The following CNTN5 variants were observed in gnomAD, a reference collection of about 807,000 sequenced individuals.
CNTN5 encodes the protein contactin-5.
A neutral mutation model predicts 129.1 loss-of-function variants in CNTN5; 77 were observed. The ratio of observed to expected loss-of-function variants is 0.60; its 90% confidence interval spans 0.50 to 0.72. The LOEUF (loss-of-function observed/expected upper bound fraction) is 0.72. Ranked by LOEUF, CNTN5 falls within the 30% of genes least tolerant of loss-of-function variation. The probability of loss-of-function intolerance (pLI) is 0.00; values close to 1 mark genes in which losing one functional copy is unlikely to be tolerated. For missense variants in CNTN5, 1,478 were observed against 1,328.8 expected (o/e 1.11, Z -1.75); for synonymous variants, 509 against 465.6 (o/e 1.09, Z -1.20).
intron 7 of CNTN5, among the ~76,000 whole-genome samples, chr11:99,956,374 T>G (rs1950802478): frequency 6.6e-5 from 10 of 152,186 alleles, no homozygotes; most frequent in Admixed American, 6.5e-4. Context: ...ATAAGTTTAA[T>G]TGCTTAAGTG....
intron 3 of CNTN5, among the ~76,000 whole-genome samples, chr11:99,702,337 C>G (rs1040995538): frequency 6.6e-6 from 1 of 150,894 alleles, no homozygotes; most frequent in African/African-American, 2.4e-5. Context: ...AGCCTTGTCA[C>G]CAACCGAACA....
chr11:99,051,843 C>T (rs1270310360), intron 1 of CNTN5, among the ~76,000 whole-genome samples: 3 of 151,784 alleles, frequency 2.0e-5, no homozygotes, highest in Non-Finnish European at 4.4e-5. Flanking sequence ...TCTTTCAGAA[C>T]TCGTAGTGGA....
intron 9 of CNTN5, among the ~76,000 whole-genome samples, chr11:100,033,378 A>G (rs1237645610): frequency 6.6e-6 from 1 of 152,206 alleles, no homozygotes; most frequent in Non-Finnish European, 1.5e-5. Context: ...TTGCGTCTGA[A>G]CTAATAAACT....
intron 16 of CNTN5, among the ~76,000 whole-genome samples, chr11:100,239,420 C>T (rs1949690192): frequency 1.3e-5 from 2 of 151,982 alleles, no homozygotes; most frequent in Admixed American, 6.6e-5. Context: ...ATGTAATAGT[C>T]ATCAGGTTTA....
chr11:99,506,457 A>C (rs1236993781), intron 2 of CNTN5, among the ~76,000 whole-genome samples: 1 of 152,110 alleles, frequency 6.6e-6, no homozygotes, highest in Non-Finnish European at 1.5e-5. Flanking sequence ...TCTTGTGTCC[A>C]CCTTTCCAGG....
intron 3 of CNTN5, among the ~76,000 whole-genome samples, chr11:99,608,100 TAA>T (rs11284734): frequency 0.33 from 48,223 of 147,304 alleles, 8,041 homozygotes; most frequent in African/African-American, 0.41. Context: ...TAGAGTATAA[TAA>T]AAAAAAAAAA....
chr11:99,081,669 C>T (rs1457761336), intron 1 of CNTN5, among the ~76,000 whole-genome samples: 1 of 152,114 alleles, frequency 6.6e-6, no homozygotes, highest in African/African-American at 2.4e-5. Flanking sequence ...CAAATTATTA[C>T]GTTTCTATAA....
At chr11:99,989,875 C>G (rs1484184857) in intron 8 of CNTN5, among the ~76,000 whole-genome samples, 1 of 152,156 alleles carries the variant, frequency 6.6e-6, no homozygotes, top group Non-Finnish European at 1.5e-5. Flanking sequence ...AAGCAATTCT[C>G]CTGCCTCAGC....
At chr11:99,612,462 C>T (rs1202563140) in intron 3 of CNTN5, among the ~76,000 whole-genome samples, 1 of 152,138 alleles carries the variant, frequency 6.6e-6, no homozygotes, top group African/African-American at 2.4e-5. Context: ...AATTACACCA[C>T]CTGTACTATG....
At chr11:99,711,612 C>G (rs66852310) in intron 3 of CNTN5, among the ~76,000 whole-genome samples, 6,724 of 151,958 alleles carry the variant, frequency 0.044, 145 homozygotes, top group East Asian at 0.068. Flanking sequence ...GGTATTTCTC[C>G]TAATGCTCTC....
chr11:100,161,915 T>G (rs1947468850), intron 13 of CNTN5, among the ~76,000 whole-genome samples: 1 of 149,792 alleles, frequency 6.7e-6, no homozygotes, highest in Non-Finnish European at 1.5e-5. Flanking sequence ...AAGCATTGAC[T>G]GGTCTTGGAA....
At chr11:100,196,454 A>G (rs1157578103) in intron 15 of CNTN5, among the ~76,000 whole-genome samples, 1 of 151,984 alleles carries the variant, frequency 6.6e-6, no homozygotes, top group African/African-American at 2.4e-5. Flanking sequence ...TATTTTATGT[A>G]GCCTTCATAT....
intron 2 of CNTN5, among the ~76,000 whole-genome samples, chr11:99,403,277 G>A (rs11522687): frequency 0.75 from 113,318 of 152,054 alleles, 43,078 homozygotes; most frequent in African/African-American, 0.9. Context: ...TGGGATTACA[G>A]GCATAAGCCA....
chr11:99,844,210 C>T (rs1001704010), intron 4 of CNTN5, among the ~76,000 whole-genome samples: 1 of 152,140 alleles, frequency 6.6e-6, no homozygotes, highest in Non-Finnish European at 1.5e-5. Flanking sequence ...CCTTTTATGC[C>T]TTTTGTCTTC....
intron 2 of CNTN5, among the ~76,000 whole-genome samples, chr11:99,446,051 T>A (rs1371176963): frequency 1.4e-5 from 2 of 145,540 alleles, no homozygotes; most frequent in African/African-American, 5.1e-5. Context: ...ACCACGGCAC[T>A]CCAGCCTGGG....
chr11:99,332,888 G>A (rs568635415), intron 2 of CNTN5, among the ~76,000 whole-genome samples: 1 of 152,154 alleles, frequency 6.6e-6, no homozygotes, highest in East Asian at 1.9e-4. Flanking sequence ...ATATTGGAAT[G>A]TTATTTCATG....
chr11:99,271,507 T>C (rs1391832234), intron 1 of CNTN5, among the ~76,000 whole-genome samples: 1 of 151,850 alleles, frequency 6.6e-6, no homozygotes, highest in African/African-American at 2.4e-5. Context: ...TATTGCTACA[T>C]AACAAATTAC....
chr11:99,991,938 A>T (rs1183281135), intron 8 of CNTN5, among the ~76,000 whole-genome samples: 2 of 152,216 alleles, frequency 1.3e-5, no homozygotes, highest in East Asian at 3.9e-4. Context: ...AGCCAGGAAG[A>T]TAAAACCTAT....
intron 2 of CNTN5, among the ~76,000 whole-genome samples, chr11:99,553,414 A>C (rs546151579): frequency 6.6e-6 from 1 of 152,226 alleles, no homozygotes; most frequent in East Asian, 1.9e-4. Flanking sequence ...GTAATTAATT[A>C]TATTGTCATT....
Sources: gnomAD v4.1 joint callset for allele counts (sites outside exome capture counted in the v4.1 genomes callset) on GRCh38, gnomAD v4.1.1 for gene constraint, MANE v1.5 for transcripts, NCBI Gene and HGNC (gene_info 2026-07-23, HGNC 2026-07-21) for gene names.